The following SLC7A10 variants were observed in gnomAD, a reference collection of about 807,000 sequenced individuals.
SLC7A10 encodes asc-type amino acid transporter 1.
A neutral mutation model predicts 52.7 loss-of-function variants in SLC7A10; 30 were observed. The ratio of observed to expected loss-of-function variants is 0.57; its 90% confidence interval spans 0.43 to 0.77. The LOEUF (loss-of-function observed/expected upper bound fraction) is 0.77. Ranked by LOEUF, SLC7A10 falls within the 30% of genes least tolerant of loss-of-function variation. The probability of loss-of-function intolerance (pLI) is 0.00; values close to 1 mark genes in which losing one functional copy is unlikely to be tolerated. For missense variants in SLC7A10, 581 were observed against 698.5 expected, an observed-to-expected ratio of 0.83 and a Z score of 1.90; for synonymous variants, 318 against 314.9, an observed-to-expected ratio of 1.01 and a Z score of -0.10.
chr19:33,217,681 G>C (rs560337013), intron 1 of SLC7A10: 13 of 152,350 alleles, frequency 8.5e-5, no homozygotes, highest in Middle Eastern at 3.4e-3. Context: ...TCCACCTGCC[G>C]GGCCCGCAGG....
At chr19:33,215,197 G>A (rs1974642431) in intron 2 of SLC7A10, among the ~76,000 whole-genome samples, 1 of 151,412 alleles carries the variant, frequency 6.6e-6, no homozygotes, top group African/African-American at 2.4e-5. Flanking sequence ...GAACCTGGGA[G>A]GCAGAGGTTG....
At chr19:33,214,321 C>T (rs1974622842) in intron 2 of SLC7A10, among the ~76,000 whole-genome samples, 2 of 152,252 alleles carry the variant, frequency 1.3e-5, no homozygotes, top group African/African-American at 4.8e-5. Flanking sequence ...TTGTAAATTT[C>T]AGCCCAGACT....
rs200389697 is a variant in SLC7A10 at position 33,209,360 on chromosome 19, G to C, written c.1389C>G (p.Phe463Leu). ...VIIILTGVPIFFLGVFWRSKP... is the reference protein window; with the variant it reads ...VIIILTGVPILFLGVFWRSKP... ...TGCTTCTCCAGAACACTCCCAGAAA[G>C]AAAATGGGCACCCCCGTAAGGATGA... Residue 463 changes from phenylalanine (F) to leucine (L), a missense_variant, in exon 10 of 11, where the codon TTC (phenylalanine) becomes TTG (leucine). Coordinates refer to ENST00000253188, the MANE Select transcript of SLC7A10 (RefSeq NM_019849.3). 1.2e-4 allele frequency: 186 copies of C among 1,613,944 alleles called. No individual in the cohort carries two copies. The highest frequency in any genetic ancestry group is 1.5e-4 in the Non-Finnish European group (176 of 1,180,028).
intron 1 of SLC7A10, among the ~76,000 whole-genome samples, chr19:33,223,443 G>A (rs1974856394): frequency 6.6e-6 from 1 of 151,994 alleles, no homozygotes; most frequent in Non-Finnish European, 1.5e-5. Context: ...CAGGGTATTG[G>A]TGGAGAGAGA....
intron 1 of SLC7A10, among the ~76,000 whole-genome samples, chr19:33,216,617 C>T (rs1330897232): frequency 6.6e-6 from 1 of 152,120 alleles, no homozygotes; most frequent in African/African-American, 2.4e-5. Context: ...TTTCTCCTTT[C>T]CTTTCCTTTC....
At position 33,212,438 on chromosome 19, in the gene SLC7A10, G is replaced by T. The variant is rs1375137403; in HGVS notation, c.642C>A (p.Phe214Leu). 11 of 1,613,816 alleles carry T rather than the reference G, an allele frequency of 6.8e-6. No homozygotes were observed. In the African/African-American group the frequency reaches 1.5e-4, roughly 22 times the overall value. The change falls in exon 5 of 11, where the codon TTC (phenylalanine) becomes TTA (leucine). Residue 214 changes from phenylalanine (F) to leucine (L), a missense_variant. Physicochemically the swap from Phe to Leu is conservative, Grantham distance 22. Coordinates refer to ENST00000253188, the MANE Select transcript of SLC7A10 (RefSeq NM_019849.3). ...AGGCATTGCTGGGCCTCAGCTCCTC[G>T]AAGTGTCCTGGAGGCCCAGAAGTCG... ...VGLLQIFQGH[F>L]EELRPSNAFA...
At chr19:33,222,127 G>A (rs914041728) in intron 1 of SLC7A10, among the ~76,000 whole-genome samples, 1 of 152,202 alleles carries the variant, frequency 6.6e-6, no homozygotes, top group African/African-American at 2.4e-5. Flanking sequence ...GACCGGGCAT[G>A]ATGGCTCCCG....
chr19:33,219,824 A>G (rs1974775962), intron 1 of SLC7A10: 1 of 152,374 alleles, frequency 6.6e-6, no homozygotes, highest in Non-Finnish European at 1.5e-5. Context: ...CAATCTGGAC[A>G]TCGCCCCACG....
intron 4 of SLC7A10, 26 bp from the exon 5 acceptor site, chr19:33,212,471 G>A: frequency 1.2e-6 from 2 of 1,613,918 alleles, no homozygotes; most frequent in Non-Finnish European, 1.7e-6. Flanking sequence ...TCGGGGGTCA[G>A]CACCATCTCC....
chr19:33,223,309 G>GAAA (rs59600246), intron 1 of SLC7A10, among the ~76,000 whole-genome samples: 3 of 117,336 alleles, frequency 2.6e-5, no homozygotes, highest in Admixed American at 8.9e-5. Context: ...CTCTGTCTCA[G>GAAA]AAAAAAAAAA....
chr19:33,211,165 T>C (rs755450405), intron 7 of SLC7A10, 60 bp downstream of exon 7: 1 of 1,491,104 alleles, frequency 6.7e-7, no homozygotes, highest in Non-Finnish European at 9.4e-7. Context: ...ACGGCATGAC[T>C]GGTGCACACC....
At chr19:33,209,054 CCT>C in intron 10 of SLC7A10, 33 bp from the exon 11 acceptor site, 3 of 1,612,158 alleles carry the variant, frequency 1.9e-6, no homozygotes, top group Non-Finnish European at 2.5e-6. Flanking sequence ...TGGGGCCTGA[CCT>C]CTCGGGATAG....
intron 9 of SLC7A10, 124 bp from the exon 10 acceptor site, chr19:33,209,609 C>G: frequency 1.1e-6 from 1 of 952,176 alleles, no homozygotes; most frequent in Non-Finnish European, 1.5e-6. Flanking sequence ...GGCAATTGCA[C>G]CCACTACACC....
Position 33,225,680 on chromosome 19 carries a change from C to T in SLC7A10, c.24G>A (p.Pro8=), listed in dbSNP as rs748240758. The stretch of plus-strand genomic sequence containing the variant: ...CAGGCCTGGGGTTCCCGCGCCCGCT[C>T]GGCTGCTGCGTGTGGCCGGCCATGT... MAGHTQQ[P]SGRGNPRPAP... is the part of the protein sequence containing the mutation. The change falls in exon 1 of 11, where the codon CCG becomes CCA. Residue 8 remains proline (P), a synonymous_variant. Coordinates refer to ENST00000253188, the MANE Select transcript of SLC7A10 (RefSeq NM_019849.3). The T allele has an allele frequency of 1.9e-6, 3 of 1,549,854 alleles. No individual in the cohort carries two copies. The highest frequency in any genetic ancestry group is 3.7e-5 in the Admixed American group (2 of 53,908).
rs894055965 is a variant in SLC7A10 at position 33,212,325 on chromosome 19, T to C, written c.755A>G (p.Asn252Ser). The part of the protein sequence containing the change: ...SFAFSGWNFL[N>S]YVTEEMVDAR... ...GTCAACCATCTCCTCGGTGACATAG[T>C]TGAGGAAGTTCCAGCCACTGAAGGC... The change falls in exon 5 of 11, where the codon AAC (asparagine) becomes AGC (serine). Residue 252 changes from asparagine to serine, a missense_variant. Asn to Ser is a conservative substitution (Grantham distance 46). Coordinates refer to ENST00000253188, the MANE Select transcript of SLC7A10 (RefSeq NM_019849.3). The C allele has an allele frequency of 6.2e-7, 1 of 1,612,824 alleles. No individual in the cohort carries two copies. Among genetic ancestry groups the C allele is most frequent in the East Asian group, 2.2e-5 (1 of 44,852 alleles).
At chr19:33,223,926 C>T (rs1443486911) in intron 1 of SLC7A10, among the ~76,000 whole-genome samples, 1 of 144,368 alleles carries the variant, frequency 6.9e-6, no homozygotes, top group African/African-American at 2.6e-5. Flanking sequence ...CCACTCCCAC[C>T]ACCACCACCT....
chr19:33,209,141 C>G, intron 10 of SLC7A10, 120 bp from the exon 11 acceptor site: 1 of 1,553,836 alleles, frequency 6.4e-7, no homozygotes, highest in South Asian at 1.1e-5. Flanking sequence ...ACCCGTGGTT[C>G]TGGAAACTTT....
Position 33,210,647 on chromosome 19 carries a change from C to T in SLC7A10, c.1114-31G>A, listed in dbSNP as rs771495622. 5.6e-6 allele frequency: 9 copies of T among 1,610,156 alleles called. No homozygotes were observed. The highest frequency in any genetic ancestry group is 7.6e-6 in the Non-Finnish European group (9 of 1,179,892). On this transcript the variant is annotated intron_variant, in intron 8 of 10. Coordinates refer to ENST00000253188, the MANE Select transcript of SLC7A10 (RefSeq NM_019849.3). This position sits in a 1 kb window ranked among gnomAD's most constrained non-coding sequence, Gnocchi z 5.6. ...AGAGGACCTGGGGCTGACGGCTGGCCCCTAGCCTGCCTCCTGACGCCCCTG... is the reference window on the plus strand; with the variant it reads ...AGAGGACCTGGGGCTGACGGCTGGCTCCTAGCCTGCCTCCTGACGCCCCTG...
At chr19:33,222,468 TAAAA>T (rs1244777629) in intron 1 of SLC7A10, among the ~76,000 whole-genome samples, 6 of 85,716 alleles carry the variant, frequency 7.0e-5, no homozygotes, top group African/African-American at 3.4e-4. Flanking sequence ...ATAAAATAAA[TAAAA>T]TAAAATAAAA....
Sources: allele counts gnomAD v4.1 joint callset (sites outside exome capture counted in the v4.1 genomes callset), GRCh38; gene constraint gnomAD v4.1.1; non-coding constraint Gnocchi (gnomAD v3.1); transcripts MANE v1.5; gene names NCBI Gene and HGNC (gene_info 2026-07-23, HGNC 2026-07-21).